The following SMAD6 variants were observed in gnomAD, a reference collection of about 807,000 sequenced individuals.
The protein encoded by SMAD6 is SMAD family member 6.
Under a neutral mutation model 39.4 loss-of-function variants are expected in SMAD6, and 103 were observed. That is an observed-to-expected ratio of 2.62 (90% confidence interval 2.23 to 3.08). SMAD6 has a LOEUF of 3.08. SMAD6 is among the 30% of genes most tolerant of loss of function. The pLI, the probability that SMAD6 is intolerant of heterozygous loss-of-function variation, is 0.00. For synonymous variants in SMAD6, 445 were observed against 353.3 expected, an observed-to-expected ratio of 1.26 and a Z score of -2.91; for missense variants, 1,104 against 742.9, an observed-to-expected ratio of 1.49 and a Z score of -5.65.
At chr15:66,778,616 G>A (rs1208575617) in intron 3 of SMAD6, among the ~76,000 whole-genome samples, 2 of 152,206 alleles carry the variant, frequency 1.3e-5, no homozygotes, top group Non-Finnish European at 2.9e-5. Flanking sequence ...TGGACCATGA[G>A]AGCAGTCATG....
intron 3 of SMAD6, among the ~76,000 whole-genome samples, chr15:66,718,912 AG>A (rs1893381754): frequency 6.6e-6 from 1 of 152,194 alleles, no homozygotes; most frequent in African/African-American, 2.4e-5. Context: ...GAAGTCAGAA[AG>A]GTGAGGGGCA....
intron 3 of SMAD6, among the ~76,000 whole-genome samples, chr15:66,774,076 G>A (rs1894424715): frequency 6.6e-6 from 1 of 152,150 alleles, no homozygotes; most frequent in African/African-American, 2.4e-5. Context: ...AGCCTCCCAC[G>A]AATGCCCTGA....
chr15:66,711,096 C>T (rs746856280), intron 1 of SMAD6, among the ~76,000 whole-genome samples: 10 of 152,160 alleles, frequency 6.6e-5, no homozygotes, highest in Non-Finnish European at 4.4e-5. Flanking sequence ...CAGTTAAATT[C>T]GAGTATCAGA....
In SMAD6 at chr15:66,781,553, G is replaced by T. The variant is rs1478662777; in HGVS notation, c.*18G>T. On this transcript the variant is annotated 3_prime_UTR_variant, in exon 4 of 4. Transcript: ENST00000288840. Reference sequence around the variant, plus strand: ...CCAGATAGTGGCGGCCCCGGCGGGAGGGGCGGGTGGGAGGCCGCGGCCACC... The same window carrying T: ...CCAGATAGTGGCGGCCCCGGCGGGATGGGCGGGTGGGAGGCCGCGGCCACC... The T allele has an allele frequency of 2.7e-6, 4 of 1,481,582 alleles. No individual in the cohort carries two copies. The highest frequency in any genetic ancestry group is 3.6e-6 in the Non-Finnish European group (4 of 1,122,938). The allele number at this position is 1,481,582 out of a possible 1,614,324, so 91.8% of individuals were successfully genotyped here.
chr15:66,781,013 G>A lies in SMAD6; in HGVS notation c.969G>A (p.Pro323=), dbSNP rs1226001558. 2.5e-6 allele frequency: 4 copies of A among 1,578,130 alleles called. No homozygotes were observed. The highest frequency in any genetic ancestry group is 3.4e-6 in the Non-Finnish European group (4 of 1,167,642). The change falls in exon 4 of 4, where the codon CCG becomes CCA. Residue 323 remains proline, a synonymous_variant. Transcript: ENST00000288840. Reference sequence around the variant, plus strand: ...GTCCCGCAGACGCCAGCATGTCTCCGGACGCCACCAAGCCGAGCCACTGGT... The same window carrying A: ...GTCCCGCAGACGCCAGCATGTCTCCAGACGCCACCAAGCCGAGCCACTGGT... ...PGEFSDASMS[P]DATKPSHWCS... is the part of the protein sequence containing the mutation.
intron 3 of SMAD6, among the ~76,000 whole-genome samples, chr15:66,744,425 A>G (rs1217471524): frequency 6.6e-6 from 1 of 152,188 alleles, no homozygotes; most frequent in East Asian, 1.9e-4. Flanking sequence ...ACACCTGGCA[A>G]ACACCTGGAA....
chr15:66,722,557 C>T (rs989113955), intron 3 of SMAD6, among the ~76,000 whole-genome samples: 10 of 152,102 alleles, frequency 6.6e-5, no homozygotes, highest in South Asian at 2.1e-4. Flanking sequence ...TTGTGGCCAG[C>T]ACCACCCTGC....
chr15:66,704,076 G>A lies in SMAD6; in HGVS notation c.817+1G>A. 2.0e-6 allele frequency: 3 copies of A among 1,478,936 alleles called. No homozygotes were observed. The highest frequency in any genetic ancestry group is 1.3e-5 in the South Asian group (1 of 78,198). The allele number at this position is 1,478,936 out of a possible 1,614,324, so 91.6% of individuals were successfully genotyped here. ...CACTTCAGCCGGCTCTGCGGGCCCGGTGAGCGCGCTGCGCCGGCCGGGGGG... is the reference window on the plus strand; with the variant it reads ...CACTTCAGCCGGCTCTGCGGGCCCGATGAGCGCGCTGCGCCGGCCGGGGGG... On this transcript the variant is annotated splice_donor_variant, in intron 1 of 3. Transcript: ENST00000288840. LOFTEE classifies it high-confidence loss of function.
chr15:66,704,326 T>C (rs1287518603), intron 1 of SMAD6: 3 of 356,740 alleles, frequency 8.4e-6, no homozygotes, highest in Non-Finnish European at 1.5e-5. Flanking sequence ...GTTTTCTCTG[T>C]GCAGTTTCAG....
chr15:66,771,287 G>A (rs887174042), intron 3 of SMAD6, among the ~76,000 whole-genome samples: 3 of 152,160 alleles, frequency 2.0e-5, no homozygotes, highest in Non-Finnish European at 4.4e-5. Flanking sequence ...GGAGGACCTG[G>A]GTGAATAAAA....
Position 66,703,301 on chromosome 15 carries a change from C to T in SMAD6, c.43C>T (p.Arg15Ter), listed in dbSNP as rs766270982. Residue 15 changes from arginine to a stop codon, truncating the protein, a stop_gained, in exon 1 of 4, where the codon CGA becomes TGA. Transcript: ENST00000288840. LOFTEE classifies it high-confidence loss of function. ...KRSGLVRRLW[R>*]SRVVPDREEG... Reference sequence around the variant, plus strand: ...CTCGGGGCTGGTGCGGCGACTTTGGCGAAGTCGTGTGGTCCCCGACCGGGA... The same window carrying T: ...CTCGGGGCTGGTGCGGCGACTTTGGTGAAGTCGTGTGGTCCCCGACCGGGA... 11 of 1,491,340 alleles carry T rather than the reference C, an allele frequency of 7.4e-6. No homozygotes were observed. The highest frequency in any genetic ancestry group is 2.9e-5 in the East Asian group (1 of 34,148). 92.4% of individuals were successfully genotyped at this position (1,491,340 alleles called of 1,614,324 possible). A position where few individuals can be genotyped will look rare whatever the true frequency, so the allele number is the denominator to read the frequency against.
At chr15:66,715,764 TAA>T (rs55742236) in intron 2 of SMAD6, among the ~76,000 whole-genome samples, 20,080 of 102,872 alleles carry the variant, frequency 0.2, 1,542 homozygotes, top group Admixed American at 0.33. Context: ...TAAAACTACT[TAA>T]AAAAAAAAAA....
rs1447391811 is a variant in SMAD6 at position 66,703,382 on chromosome 15, C to A, written c.124C>A (p.Arg42=). Residue 42 remains arginine (R), a synonymous_variant, in exon 1 of 4, where the codon CGA becomes AGA. Coordinates refer to ENST00000288840, the MANE Select transcript of SMAD6 (RefSeq NM_005585.5). ...CGACGAGGATGGGAGCTTGGGCAGCCGAGCTGAGCCGGCCCCGCGGGCAAG... is the reference window on the plus strand; with the variant it reads ...CGACGAGGATGGGAGCTTGGGCAGCAGAGCTGAGCCGGCCCCGCGGGCAAG... ...GGDEDGSLGS[R]AEPAPRAREG... is the part of the protein sequence containing the mutation. 2 of 1,435,440 alleles carry A rather than the reference C, an allele frequency of 1.4e-6. No individual in the cohort carries two copies. The highest frequency in any genetic ancestry group is 9.1e-7 in the Non-Finnish European group (1 of 1,093,964). The allele number at this position is 1,435,440 out of a possible 1,614,324, so 88.9% of individuals were successfully genotyped here. A position where few individuals can be genotyped will look rare whatever the true frequency, so the allele number is the denominator to read the frequency against.
intron 2 of SMAD6, 123 bp from the exon 3 acceptor site, chr15:66,716,298 A>G (rs947279007): frequency 1.2e-5 from 9 of 726,582 alleles, no homozygotes; most frequent in Admixed American, 6.1e-5. Context: ...TGGGAGGGAC[A>G]TGCTGCCCTT....
At chr15:66,730,708 C>T (rs1239098498) in intron 3 of SMAD6, among the ~76,000 whole-genome samples, 1 of 152,246 alleles carries the variant, frequency 6.6e-6, no homozygotes, top group Non-Finnish European at 1.5e-5. Context: ...ATGGCAGACA[C>T]TGTGCTGTTT....
chr15:66,713,850 C>T (rs952675488), intron 2 of SMAD6, among the ~76,000 whole-genome samples: 1 of 152,176 alleles, frequency 6.6e-6, no homozygotes, highest in Non-Finnish European at 1.5e-5. Flanking sequence ...AATGGGGGAG[C>T]CTTAGTTCTC....
chr15:66,756,875 T>C lies in SMAD6; in HGVS notation c.953-24122T>C, dbSNP rs572372432. Reference sequence around the variant, plus strand: ...TCCCCTTGTGTCTGTTTTGGCTGTTTCTTCTCCCTGGGAAGATTCCTTCCT... The same window carrying C: ...TCCCCTTGTGTCTGTTTTGGCTGTTCCTTCTCCCTGGGAAGATTCCTTCCT... On this transcript the variant is annotated intron_variant, in intron 3 of 3. Coordinates refer to ENST00000288840, the MANE Select transcript of SMAD6 (RefSeq NM_005585.5). Among the ~76,000 whole-genome samples, 5 of 152,362 alleles carry C rather than the reference T, an allele frequency of 3.3e-5. No individual in the cohort carries two copies. In the South Asian group the frequency reaches 1.0e-3, roughly 32 times the overall value.
At chr15:66,745,459 G>A (rs958238745) in intron 3 of SMAD6, among the ~76,000 whole-genome samples, 7 of 151,894 alleles carry the variant, frequency 4.6e-5, no homozygotes, top group East Asian at 3.9e-4. Flanking sequence ...TGGTCTTCTC[G>A]CTCCTGTTCT....
intron 3 of SMAD6, among the ~76,000 whole-genome samples, chr15:66,772,748 T>A (rs1274504265): frequency 1.3e-5 from 2 of 152,302 alleles, no homozygotes; most frequent in East Asian, 3.9e-4. Context: ...CGTCCAAGAT[T>A]TCACAGCTGC....
Sources: allele counts gnomAD v4.1 joint callset (sites outside exome capture counted in the v4.1 genomes callset), GRCh38; gene constraint gnomAD v4.1.1; transcripts MANE v1.5; gene names NCBI Gene and HGNC (gene_info 2026-07-23, HGNC 2026-07-21).